The following MORN1 variants were observed in gnomAD, a reference collection of about 807,000 sequenced individuals.
The protein encoded by MORN1 is MORN repeat-containing protein 1.
Under a neutral mutation model 61.9 loss-of-function variants are expected in MORN1, and 67 were observed. The ratio of observed to expected loss-of-function variants is 1.08; its 90% CI spans 0.89 to 1.33. The LOEUF is 1.33. MORN1 is among the 40% of genes most tolerant of loss of function. The probability of loss-of-function intolerance (pLI) is 0.00; values close to 1 mark genes in which losing one functional copy is unlikely to be tolerated. For missense variants in MORN1, 752 were observed against 691.2 expected (o/e 1.09, Z -0.99); for synonymous variants, 301 against 292.0 (o/e 1.03, Z -0.31).
At chr1:2,363,299 G>T (rs987337648) in intron 8 of MORN1, 1 of 152,090 alleles carries the variant, frequency 6.6e-6, no homozygotes, top group East Asian at 1.9e-4. Context: ...AAATAAAAAA[G>T]AAAGAAAGAA....
chr1:2,383,132 C>A (rs1249016093), intron 6 of MORN1, among the ~76,000 whole-genome samples: 1 of 152,222 alleles, frequency 6.6e-6, no homozygotes, highest in African/African-American at 2.4e-5. Flanking sequence ...CCCAGCACCC[C>A]CCTTCCTTGC....
chr1:2,325,151 CCTTCCCTCCCTTCCTTCCT>C (rs1640989365), intron 12 of MORN1, among the ~76,000 whole-genome samples: 1 of 133,238 alleles, frequency 7.5e-6, no homozygotes, highest in South Asian at 2.5e-4. Flanking sequence ...TCCCTCCCTT[CCTTCCCTCCCTTCCTTCCT>C]TTCCTTCCTT....
intron 10 of MORN1, chr1:2,355,470 A>C (rs746355640): frequency 6.4e-7 from 1 of 1,550,450 alleles, no homozygotes; most frequent in African/African-American, 1.4e-5. Context: ...GCTCCCTGCA[A>C]GCACAGACCC....
intron 1 of MORN1, 121 bp from the exon 2 acceptor site, chr1:2,390,117 T>G: frequency 1.1e-6 from 1 of 899,502 alleles, no homozygotes; most frequent in South Asian, 1.4e-5. Context: ...CACGTCACCT[T>G]CAGCAGACCA....
At chr1:2,347,884 T>C (rs1237539013) in intron 10 of MORN1, among the ~76,000 whole-genome samples, 1 of 152,254 alleles carries the variant, frequency 6.6e-6, no homozygotes, top group Middle Eastern at 3.2e-3. Context: ...AAGAATGTTT[T>C]CGCTGGGCCA....
intron 8 of MORN1, chr1:2,363,405 C>T (rs55873848): frequency 0.34 from 52,122 of 151,944 alleles, 11,157 homozygotes; most frequent in African/African-American, 0.61. Context: ...TTTTACTTAA[C>T]GAGTTGTAAA....
At chr1:2,330,794 G>A (rs374736548) in intron 12 of MORN1, among the ~76,000 whole-genome samples, 8 of 152,164 alleles carry the variant, frequency 5.3e-5, no homozygotes, top group Non-Finnish European at 1.2e-4. Flanking sequence ...GGGTGGCCAC[G>A]TTTTCCTATC....
intron 10 of MORN1, among the ~76,000 whole-genome samples, chr1:2,347,514 G>A (rs1345300890): frequency 1.3e-5 from 2 of 152,074 alleles, no homozygotes; most frequent in African/African-American, 2.4e-5. Context: ...CTGCAGAGGC[G>A]CCCCCAGGCC....
intron 6 of MORN1, 180 bp from the exon 7 acceptor site, chr1:2,374,737 G>T: frequency 1.8e-6 from 1 of 570,694 alleles, no homozygotes; most frequent in South Asian, 2.3e-5. Flanking sequence ...TGTTTCATTA[G>T]AATGCAATCC....
Position 2,334,453 on chromosome 1 carries a change from C to T in MORN1, c.1250+2016G>A, listed in dbSNP as rs184263296. On this transcript the variant is annotated intron_variant, in intron 12 of 13. Transcript: ENST00000378531. This position sits in a 1 kb window ranked among gnomAD's most constrained non-coding sequence, Gnocchi z 5.4. ...GCGGGCAGAGCTTACGGAGAGTTCCCGATGGGAAAGACTCCCCAGGGTTTC... is the reference window on the plus strand; with the variant it reads ...GCGGGCAGAGCTTACGGAGAGTTCCTGATGGGAAAGACTCCCCAGGGTTTC... Among the ~76,000 whole-genome samples the T allele has an allele frequency of 9.7e-4, 147 of 152,250 alleles. No individual in the cohort carries two copies. The highest frequency in any genetic ancestry group is 3.4e-3 in the African/African-American group (140 of 41,560).
At chr1:2,341,715 A>C (rs974793203) in intron 10 of MORN1, among the ~76,000 whole-genome samples, 18 of 152,232 alleles carry the variant, frequency 1.2e-4, no homozygotes, top group Admixed American at 6.5e-5. Context: ...AAAAAAGAAA[A>C]AGAAAAGGCT....
At position 2,388,305 on chromosome 1, in the gene MORN1, A is replaced by C. The variant is rs1557896292; in HGVS notation, c.181T>G (p.Tyr61Asp). The change falls in exon 3 of 14, where the codon TAT becomes GAT. Residue 61 changes from tyrosine to aspartate, a missense_variant. By Grantham distance (160) the Tyr-to-Asp change is radical (BLOSUM62 -3). Coordinates refer to ENST00000378531, the MANE Select transcript of MORN1 (RefSeq NM_024848.3). Reference protein sequence around the residue: ...HGKLLFKDGSYYEGAFVDGEI... With the variant: ...HGKLLFKDGSDYEGAFVDGEI... ...CCGTCCACAAACGCCCCTTCGTAAT[A>C]ACTGCCATCTTTAAATAACAACTTC... 6.2e-7 allele frequency: 1 copy of C among 1,613,990 alleles called. No individual in the cohort carries two copies. Among genetic ancestry groups the C allele is most frequent in the Non-Finnish European group, 8.5e-7 (1 of 1,179,986 alleles).
chr1:2,322,517 G>A (rs1640905458), intron 13 of MORN1: 3 of 985,352 alleles, frequency 3.0e-6, no homozygotes, highest in Non-Finnish European at 3.6e-6. Flanking sequence ...AGCCTCGGGG[G>A]CCGGGAGGAA....
chr1:2,325,420 C>T (rs1159861623), intron 12 of MORN1, among the ~76,000 whole-genome samples: 2 of 150,984 alleles, frequency 1.3e-5, no homozygotes, highest in Non-Finnish European at 2.9e-5. Context: ...CAAGCAATCC[C>T]CTCGCCTTAG....
At chr1:2,378,903 C>G (rs949023182) in intron 6 of MORN1, 3 of 455,638 alleles carry the variant, frequency 6.6e-6, no homozygotes, top group Non-Finnish European at 1.3e-5. Context: ...CCGGCCTGAG[C>G]CGCGTGGCTC....
intron 12 of MORN1, among the ~76,000 whole-genome samples, chr1:2,329,402 C>T (rs1641100702): frequency 6.6e-6 from 1 of 152,222 alleles, no homozygotes; most frequent in South Asian, 2.1e-4. Context: ...GGAGGCGCTT[C>T]CAGCAGTAGG....
chr1:2,384,293 T>C (rs1434555313), intron 6 of MORN1, among the ~76,000 whole-genome samples: 3 of 152,204 alleles, frequency 2.0e-5, no homozygotes, highest in Non-Finnish European at 4.4e-5. Flanking sequence ...TCAACAAGTC[T>C]GGTGTCCTCT....
chr1:2,358,950 C>A (rs563778702), intron 8 of MORN1, among the ~76,000 whole-genome samples: 2 of 152,288 alleles, frequency 1.3e-5, no homozygotes, highest in South Asian at 2.1e-4. Flanking sequence ...GCCACACTCA[C>A]CCCAATACCC....
At chr1:2,324,413 G>C (rs1003158930) in intron 12 of MORN1, among the ~76,000 whole-genome samples, 2 of 152,232 alleles carry the variant, frequency 1.3e-5, no homozygotes, top group Non-Finnish European at 2.9e-5. Flanking sequence ...TGGAGCAGGA[G>C]TGGGACCGAC....
Sources: gnomAD v4.1 joint callset for allele counts (sites outside exome capture counted in the v4.1 genomes callset) on GRCh38, gnomAD v4.1.1 for gene constraint, Gnocchi (gnomAD v3.1) non-coding constraint, MANE v1.5 for transcripts, NCBI Gene and HGNC (gene_info 2026-07-23, HGNC 2026-07-21) for gene names.